MAP4K1: variants seen among roughly 807,000 people sequenced by gnomAD.
The protein encoded by MAP4K1 is mitogen-activated protein kinase kinase kinase kinase 1, also known as MAPK/ERK kinase kinase kinase 1.
In MAP4K1, 35 loss-of-function variants were observed where a neutral mutation model predicts 122.8. The observed-to-expected ratio is 0.29, with a 90% CI of 0.22 to 0.38. The LOEUF is 0.38. MAP4K1 is among the 10% of genes least tolerant of loss of function. The probability of loss-of-function intolerance (pLI) is 1.00; values close to 1 mark genes in which losing one functional copy is unlikely to be tolerated. For synonymous variants in MAP4K1, 412 were observed against 421.3 expected, an observed-to-expected ratio of 0.98 and a Z score of 0.27; for missense variants, 791 against 1,072.6, an observed-to-expected ratio of 0.74 and a Z score of 3.67.
intron 22 of MAP4K1, among the ~76,000 whole-genome samples, chr19:38,599,188 T>TA (rs750037116): frequency 0.018 from 1,859 of 103,484 alleles, 26 homozygotes; most frequent in Non-Finnish European, 0.027. Context: ...ATAAAAAAAG[T>TA]AAAAAAAAAA....
rs373924156 is a variant in MAP4K1, at chr19:38,617,119, G to A, written c.248+235C>T. ...AAATTTGCCGGGCAGGGTGGTGAGC[G>A]CCTGTAATCCCAGCTACTCGGGAGT... On this transcript the variant is annotated intron_variant, in intron 3 of 30. Transcript: ENST00000396857. The surrounding 1 kb of genome is among the most constrained non-coding windows in gnomAD (Gnocchi z 4.1). Among the ~76,000 whole-genome samples the A allele has an allele frequency of 3.3e-4, 50 of 152,132 alleles. No homozygotes were observed. The highest frequency in any genetic ancestry group is 2.9e-3 in the Admixed American group (44 of 15,252).
At position 38,600,095 on chromosome 19, in the gene MAP4K1, C is replaced by T. The variant is rs890524166; in HGVS notation, c.1590G>A (p.Gln530=). Residue 530 remains glutamine (Q), a synonymous_variant, in exon 21 of 31, where the codon CAG becomes CAA. Coordinates refer to ENST00000396857, the MANE Select transcript of MAP4K1 (RefSeq NM_001042600.3). ...EGIFILNRND[Q]EATLEMLFPS... ...TCCTCACCATTTCCAGCGTGGCCTC[C>T]TGGTCATTCCGGTTCAGGATGAAGA... The T allele has an allele frequency of 1.2e-6, 2 of 1,614,166 alleles. No individual in the cohort carries two copies. The highest frequency in any genetic ancestry group is 1.7e-6 in the Non-Finnish European group (2 of 1,180,030).
intron 19 of MAP4K1, among the ~76,000 whole-genome samples, chr19:38,603,503 C>T (rs1045205629): frequency 1.5e-4 from 22 of 151,714 alleles, no homozygotes; most frequent in African/African-American, 5.1e-4. Context: ...CTATGCATTT[C>T]ATCTTTGAAT....
intron 19 of MAP4K1, among the ~76,000 whole-genome samples, chr19:38,602,608 A>G (rs1975114910): frequency 6.8e-6 from 1 of 147,126 alleles, no homozygotes; most frequent in African/African-American, 2.5e-5. Context: ...ACGCATATAC[A>G]TATATATACA....
At chr19:38,609,433 C>T (rs889965186) in intron 13 of MAP4K1, among the ~76,000 whole-genome samples, 163 bp downstream of exon 13, 1 of 152,068 alleles carries the variant, frequency 6.6e-6, no homozygotes, top group Non-Finnish European at 1.5e-5. Context: ...CCACGCCTGG[C>T]CTCTACGGTC....
At chr19:38,589,357 A>G in intron 30 of MAP4K1, 2 of 227,060 alleles carry the variant, frequency 8.8e-6, no homozygotes, top group South Asian at 4.1e-5. Context: ...TGAAAATCTG[A>G]TGAGAAACAA....
At chr19:38,612,518 G>T in intron 9 of MAP4K1, 93 bp downstream of exon 9, 1 of 1,286,462 alleles carries the variant, frequency 7.8e-7, no homozygotes, top group Non-Finnish European at 1.0e-6. Flanking sequence ...TCCCTGAATT[G>T]GAGGTTCCTG....
chr19:38,587,837 G>T lies in MAP4K1; in HGVS notation c.2397-20C>A. The T allele has an allele frequency of 6.3e-7, 1 of 1,587,564 alleles. No individual in the cohort carries two copies. The highest frequency in any genetic ancestry group is 8.7e-7 in the Non-Finnish European group (1 of 1,155,870). On this transcript the variant is annotated intron_variant, in intron 30 of 30. Transcript: ENST00000396857. ...ACAGGCCTGTGGAAGGAAGAGATAA[G>T]TCAGTTCATTTATTCATTCATATGT... is the stretch of plus-strand genomic sequence containing the variant.
chr19:38,602,666 GTACATATATACGCATA>G (rs1402510828), intron 19 of MAP4K1, among the ~76,000 whole-genome samples: 1 of 99,512 alleles, frequency 1.0e-5, no homozygotes, highest in Non-Finnish European at 2.1e-5. Context: ...ATATACACAT[GTACATATATACGCATA>G]TACATATATA....
At chr19:38,596,603 C>G (rs1167539153) in intron 25 of MAP4K1, 117 bp from the exon 26 acceptor site, 3 of 891,506 alleles carry the variant, frequency 3.4e-6, no homozygotes, top group Admixed American at 2.9e-5. Flanking sequence ...TGGGGGATGC[C>G]GTCTAGAAAT....
chr19:38,599,978 G>A lies in MAP4K1; in HGVS notation c.1616C>T (p.Pro539Leu), dbSNP rs1285473569. 6.2e-7 allele frequency: 1 copy of A among 1,614,070 alleles called. No individual in the cohort carries two copies. The highest frequency in any genetic ancestry group is 8.5e-7 in the Non-Finnish European group (1 of 1,180,046). ...GGAGTACACCCACGTAGTCCGGCTA[G>A]GAAAGAGCTGCAGGGAATGGGAGAG... ...DQEATLEMLFPSRTTWVYSIN... is the reference protein window; with the variant it reads ...DQEATLEMLFLSRTTWVYSIN... The change falls in exon 22 of 31, where the codon CCT becomes CTT. Residue 539 changes from proline to leucine, a missense_variant. Coordinates refer to ENST00000396857, the MANE Select transcript of MAP4K1 (RefSeq NM_001042600.3).
At position 38,596,428 on chromosome 19, in the gene MAP4K1, C is replaced by A. The variant is rs529710837; in HGVS notation, c.2000G>T (p.Gly667Val). The A allele has an allele frequency of 7.5e-6, 12 of 1,591,590 alleles. No homozygotes were observed. The South Asian group carries it at 1.4e-4, about 18-fold the overall frequency. The change falls in exon 26 of 31, where the codon GGC (glycine) becomes GTC (valine). Residue 667 changes from glycine (G) to valine (V), a missense_variant. By Grantham distance (109) the Gly-to-Val change is moderately radical. Transcript: ENST00000396857. ...LSVFALLTGP[G>V]SELPAVCIGV... ...GATGCACACAGCGGGCAGCTCAGAG[C>A]CTGGCCCGGTCAGCAGCGCGAACAC...
At chr19:38,593,411 G>A in intron 29 of MAP4K1, 74 bp from the exon 30 acceptor site, 1 of 1,383,790 alleles carries the variant, frequency 7.2e-7, no homozygotes, top group Non-Finnish European at 1.0e-6. Flanking sequence ...CTCCCTTAAA[G>A]ACAGCAAGGA....
rs1975213579 is a variant in MAP4K1 at position 38,603,333 on chromosome 19, C to CATATACATATATACACATATACAT, written c.1447-1832_1447-1809dup. ...ATATATACACATGTACATATATACG[C>CATATACATATATACACATATACAT]ATATACATATATACACATATACATA... On this transcript the variant is annotated intron_variant, in intron 19 of 30. Transcript: ENST00000396857. Among the ~76,000 whole-genome samples the CATATACATATATACACATATACAT allele has an allele frequency of 2.7e-4, 40 of 150,664 alleles. No individual in the cohort carries two copies. In the South Asian group the frequency reaches 6.3e-3, roughly 24 times the overall value.
At chr19:38,604,960 G>A (rs984051986) in intron 19 of MAP4K1, among the ~76,000 whole-genome samples, 1 of 150,514 alleles carries the variant, frequency 6.6e-6, no homozygotes, top group African/African-American at 2.4e-5. Flanking sequence ...GTGCTGCATT[G>A]CCTGTAATCT....
chr19:38,589,657 C>T (rs1002586634), intron 30 of MAP4K1, among the ~76,000 whole-genome samples: 1 of 152,062 alleles, frequency 6.6e-6, no homozygotes, highest in Non-Finnish European at 1.5e-5. Context: ...TCAGGTGATC[C>T]ACCTGCCTCG....
intron 4 of MAP4K1, 44 bp from the exon 5 acceptor site, chr19:38,614,489 AGGGAACCTGGGCTG>A: frequency 6.2e-7 from 1 of 1,611,946 alleles, no homozygotes. Context: ...GATGGGAGCC[AGGGAACCTGGGCTG>A]GGGAGTCCTG....
chr19:38,593,522 G>A (rs917711788), intron 29 of MAP4K1, among the ~76,000 whole-genome samples, 185 bp from the exon 30 acceptor site: 3 of 152,120 alleles, frequency 2.0e-5, no homozygotes, highest in African/African-American at 7.2e-5. Context: ...GGCCAACATG[G>A]CAAAACCTCG....
At position 38,605,482 on chromosome 19, in the gene MAP4K1, A is replaced by C; in HGVS notation, c.1373T>G (p.Leu458Arg). 1 of 1,591,218 alleles carries C rather than the reference A, an allele frequency of 6.3e-7. No homozygotes were observed. Among genetic ancestry groups the C allele is most frequent in the Non-Finnish European group, 8.5e-7 (1 of 1,170,446 alleles). Residue 458 changes from leucine to arginine, a missense_variant, in exon 19 of 31, where the codon CTC (leucine) becomes CGC (arginine). Transcript: ENST00000396857. Reference protein sequence around the residue: ...PHLTAHSEPSLWNPPSRELDK... With the variant: ...PHLTAHSEPSRWNPPSRELDK... ...AAGCTCCCGGGAGGGTGGGTTCCAG[A>C]GTGAGGGTTCTGAGAGGGGTTAGGA...
Sources: allele counts gnomAD v4.1 joint callset (sites outside exome capture counted in the v4.1 genomes callset), GRCh38; gene constraint gnomAD v4.1.1; non-coding constraint Gnocchi (gnomAD v3.1); transcripts MANE v1.5; gene names NCBI Gene and HGNC (gene_info 2026-07-23, HGNC 2026-07-21).